PLEKHA8: variants seen among roughly 807,000 people sequenced by gnomAD.
The protein encoded by PLEKHA8 is pleckstrin homology domain-containing family A member 8.
In PLEKHA8, 36 loss-of-function variants were observed where a neutral mutation model predicts 68.2. The observed-to-expected ratio is 0.53, with a 90% CI of 0.40 to 0.70. The LOEUF is 0.70. PLEKHA8 is among the 30% of genes least tolerant of loss of function. The probability of loss-of-function intolerance (pLI) is 0.00; values close to 1 mark genes in which losing one functional copy is unlikely to be tolerated. For synonymous variants in PLEKHA8, 211 were observed against 216.1 expected, an observed-to-expected ratio of 0.98 and a Z score of 0.20; for missense variants, 505 against 615.4, an observed-to-expected ratio of 0.82 and a Z score of 1.90.
chr7:30,110,240 T>C (rs1260490468), intron 13 of PLEKHA8, among the ~76,000 whole-genome samples: 1 of 152,226 alleles, frequency 6.6e-6, no homozygotes, highest in Non-Finnish European at 1.5e-5. Flanking sequence ...TTTCCTGTTC[T>C]GGACTTTTCA....
At chr7:30,039,089 A>AT (rs1170819310) in intron 1 of PLEKHA8, among the ~76,000 whole-genome samples, 1 of 152,244 alleles carries the variant, frequency 6.6e-6, no homozygotes, top group African/African-American at 2.4e-5. Flanking sequence ...CAGTTTGTTC[A>AT]TTAAGTGTAG....
intron 13 of PLEKHA8, among the ~76,000 whole-genome samples, chr7:30,115,577 CACGTATACATGTAGACATGT>C (rs1364327977): frequency 6.5e-5 from 6 of 91,806 alleles, no homozygotes; most frequent in East Asian, 6.6e-4. Context: ...TGTATACATG[CACGTATACATGTAGACATGT>C]ATACATACAT....
At chr7:30,050,797 T>G (rs1415530138) in intron 6 of PLEKHA8, 2 of 179,338 alleles carry the variant, frequency 1.1e-5, no homozygotes, top group Non-Finnish European at 2.3e-5. Context: ...GAGCATTGTT[T>G]TAAGGGTGCT....
chr7:30,115,318 T>C (rs779320774), intron 13 of PLEKHA8, among the ~76,000 whole-genome samples: 4 of 152,124 alleles, frequency 2.6e-5, no homozygotes, highest in Non-Finnish European at 5.9e-5. Context: ...GATTTAAAAA[T>C]TGGGGACATC....
At chr7:30,034,019 T>A (rs1181037210) in intron 1 of PLEKHA8, among the ~76,000 whole-genome samples, 1 of 115,542 alleles carries the variant, frequency 8.7e-6, no homozygotes, top group African/African-American at 3.3e-5. Flanking sequence ...TCTTTTTTTT[T>A]TTTTTTTTTT....
chr7:30,043,376 G>A (rs1235297319), intron 1 of PLEKHA8, among the ~76,000 whole-genome samples: 2 of 152,152 alleles, frequency 1.3e-5, no homozygotes, highest in African/African-American at 4.8e-5. Context: ...TGCTAGTGTA[G>A]AGATAAGGCC....
At chr7:30,087,613 C>G (rs1795233478), downstream of PLEKHA8, among the ~76,000 whole-genome samples, 1 of 152,210 alleles carries the variant, frequency 6.6e-6, no homozygotes, top group South Asian at 2.1e-4. Flanking sequence ...GCCTCAGCCT[C>G]CAAACTCCCA....
chr7:30,029,216 C>G (rs1380801339), intron 1 of PLEKHA8, among the ~76,000 whole-genome samples: 1 of 152,184 alleles, frequency 6.6e-6, no homozygotes, highest in African/African-American at 2.4e-5. Flanking sequence ...CCAGCAGTAA[C>G]CTGGAATTCC....
intron 9 of PLEKHA8, among the ~76,000 whole-genome samples, chr7:30,059,131 G>A (rs1469099129): frequency 1.3e-5 from 2 of 152,124 alleles, no homozygotes; most frequent in Non-Finnish European, 2.9e-5. Context: ...AAAAACAAAA[G>A]CATTGAGTCT....
At chr7:30,056,742 A>AAGT (rs749308104) in intron 9 of PLEKHA8, among the ~76,000 whole-genome samples, 269 of 74,760 alleles carry the variant, frequency 3.6e-3, no homozygotes, top group African/African-American at 6.4e-3. Context: ...AAAAAAAAAA[A>AAGT]GTGTGTGTGT....
At chr7:30,052,667 A>T in intron 6 of PLEKHA8, 42 bp from the exon 7 acceptor site, 1 of 1,494,296 alleles carries the variant, frequency 6.7e-7, no homozygotes, top group South Asian at 1.4e-5. Context: ...AAAAGACCAA[A>T]TAACGACCTT....
chr7:30,056,077 G>A (rs1038473876), intron 9 of PLEKHA8, among the ~76,000 whole-genome samples: 3 of 150,480 alleles, frequency 2.0e-5, no homozygotes, highest in Admixed American at 6.6e-5. Flanking sequence ...CGAGTAGCTG[G>A]GACTTCAGGT....
intron 13 of PLEKHA8, chr7:30,118,097 C>A (rs1796625750): frequency 3.0e-6 from 4 of 1,353,876 alleles, no homozygotes; most frequent in Non-Finnish European, 2.9e-6. Context: ...ACGCCTCTCT[C>A]CAGGGGATCA....
At chr7:30,110,976 CG>C (rs1392975364) in intron 13 of PLEKHA8, among the ~76,000 whole-genome samples, 1 of 151,186 alleles carries the variant, frequency 6.6e-6, no homozygotes, top group African/African-American at 2.4e-5. Context: ...GCGATCTTGG[CG>C]CACTGCAACC....
intron 1 of PLEKHA8, among the ~76,000 whole-genome samples, chr7:30,037,058 T>C (rs11972691): frequency 0.18 from 27,408 of 152,076 alleles, 2,617 homozygotes; most frequent in African/African-American, 0.24. Flanking sequence ...GCTGAGCGCT[T>C]AGGTTGGATA....
downstream of PLEKHA8, among the ~76,000 whole-genome samples, chr7:30,088,413 G>T (rs1448686583): frequency 6.6e-6 from 1 of 152,120 alleles, no homozygotes; most frequent in Non-Finnish European, 1.5e-5. Context: ...ACTTATATCT[G>T]GGCATCTCCC....
chr7:30,048,139 A>C (rs1424800840), intron 4 of PLEKHA8, among the ~76,000 whole-genome samples, 183 bp downstream of exon 4: 2 of 152,134 alleles, frequency 1.3e-5, no homozygotes, highest in African/African-American at 4.8e-5. Context: ...CTTGGAATTT[A>C]CTATTTTATA....
intron 12 of PLEKHA8, chr7:30,090,054 T>C: frequency 7.9e-7 from 1 of 1,259,456 alleles, no homozygotes; most frequent in East Asian, 2.6e-5. Flanking sequence ...TGACCAAAAA[T>C]AAAAAGGAAC....
intron 13 of PLEKHA8, among the ~76,000 whole-genome samples, chr7:30,117,586 C>T (rs571473070): frequency 6.6e-6 from 1 of 152,052 alleles, no homozygotes; most frequent in African/African-American, 2.4e-5. Flanking sequence ...CACCTGTAGT[C>T]CCAGATACTC....
Sources: gnomAD v4.1 joint callset for allele counts (sites outside exome capture counted in the v4.1 genomes callset) on GRCh38, gnomAD v4.1.1 for gene constraint, MANE v1.5 for transcripts, NCBI Gene and HGNC (gene_info 2026-07-23, HGNC 2026-07-21) for gene names.